MTDH: variants seen among roughly 807,000 people sequenced by gnomAD.
MTDH encodes the protein metadherin, also known as protein LYRIC.
MTDH carries 34 observed loss-of-function variants against 72.7 expected under a neutral mutation model. That is an observed-to-expected ratio of 0.47 (90% CI 0.36 to 0.62). The LOEUF (loss-of-function observed/expected upper bound fraction) is 0.62. MTDH is among the 20% of genes least tolerant of loss of function. MTDH has a pLI of 0.00. For missense variants in MTDH, 677 were observed against 699.4 expected (o/e 0.97, Z 0.36); for synonymous variants, 266 against 268.9 (o/e 0.99, Z 0.10).
At chr8:97,652,449 C>G (rs1261855909) in intron 1 of MTDH, among the ~76,000 whole-genome samples, 2 of 152,308 alleles carry the variant, frequency 1.3e-5, no homozygotes, top group South Asian at 4.1e-4. Context: ...AAATAGACAT[C>G]CCTTTCTATT....
At chr8:97,700,128 C>T (rs1319966022) in intron 7 of MTDH, among the ~76,000 whole-genome samples, 1 of 152,142 alleles carries the variant, frequency 6.6e-6, no homozygotes, top group South Asian at 2.1e-4. Context: ...AAATGAATGT[C>T]TGTTTCTCCT....
At chr8:97,668,189 A>G (rs62521678) in intron 2 of MTDH, among the ~76,000 whole-genome samples, 30,355 of 152,036 alleles carry the variant, frequency 0.2, 3,312 homozygotes, top group East Asian at 0.33. Flanking sequence ...CGGGAGGCTG[A>G]GGCAGGAGAA....
intron 2 of MTDH, among the ~76,000 whole-genome samples, chr8:97,666,662 A>T (rs1350158869): frequency 2.6e-5 from 4 of 152,178 alleles, no homozygotes; most frequent in Non-Finnish European, 5.9e-5. Flanking sequence ...CTTATCATGA[A>T]CCAAGGCAGT....
chr8:97,713,185 C>T (rs1814703968), intron 8 of MTDH, among the ~76,000 whole-genome samples: 2 of 152,034 alleles, frequency 1.3e-5, no homozygotes, highest in South Asian at 4.2e-4. Flanking sequence ...CCTGGGTTCA[C>T]GCCATTCTCC....
At position 97,675,189 on chromosome 8, in the gene MTDH, A is replaced by G. The variant is rs538593034; in HGVS notation, c.484-11479A>G. On this transcript the variant is annotated intron_variant, in intron 2 of 11. Coordinates refer to ENST00000336273, the MANE Select transcript of MTDH (RefSeq NM_178812.4). ...AAAATCTTTAGATGTTTATAGGGCTATAAATATTAAAGATGTCAGTTCACC... is the reference window on the plus strand; with the variant it reads ...AAAATCTTTAGATGTTTATAGGGCTGTAAATATTAAAGATGTCAGTTCACC... 5.3e-5 allele frequency among the ~76,000 whole-genome samples: 8 copies of G among 152,328 alleles called. No individual in the cohort carries two copies. In the South Asian group the frequency reaches 1.4e-3, roughly 28 times the overall value.
chr8:97,708,522 T>G (rs974000769), intron 8 of MTDH, among the ~76,000 whole-genome samples: 2 of 121,364 alleles, frequency 1.6e-5, no homozygotes, highest in African/African-American at 7.2e-5. Context: ...GCTCAAGTGA[T>G]CCACCCACCT....
intron 2 of MTDH, among the ~76,000 whole-genome samples, chr8:97,684,864 G>A (rs1321021126): frequency 4.6e-5 from 7 of 152,116 alleles, no homozygotes; most frequent in African/African-American, 1.2e-4. Context: ...TCAGGAGTTC[G>A]AGACCAGCCT....
Position 97,729,793 on chromosome 8 carries a change from T to C in MTDH, c.*5123T>C, listed in dbSNP as rs1815490947. On this transcript the variant is annotated 3_prime_UTR_variant, in exon 12 of 12. Transcript: ENST00000336273. ...GGCATGAACCACTGTGCCCAGTCTA[T>C]ATATAATAGATTTTAGAAGAAATTT... 6.6e-6 allele frequency among the ~76,000 whole-genome samples: 1 copy of C among 152,146 alleles called. No individual in the cohort carries two copies. The highest frequency in any genetic ancestry group is 2.1e-4 in the South Asian group (1 of 4,832).
At chr8:97,654,455 A>G (rs1050804557) in intron 1 of MTDH, among the ~76,000 whole-genome samples, 2 of 152,194 alleles carry the variant, frequency 1.3e-5, no homozygotes, top group Non-Finnish European at 2.9e-5. Flanking sequence ...TAATGTGTCT[A>G]GCAAGTACTT....
intron 1 of MTDH, among the ~76,000 whole-genome samples, chr8:97,645,866 C>T (rs1811545711): frequency 6.6e-6 from 1 of 152,096 alleles, no homozygotes; most frequent in Non-Finnish European, 1.5e-5. Flanking sequence ...AGCACCTAAC[C>T]TATTTTTATA....
intron 2 of MTDH, among the ~76,000 whole-genome samples, chr8:97,664,728 T>A (rs1006329998): frequency 1.3e-5 from 2 of 151,960 alleles, no homozygotes; most frequent in African/African-American, 2.4e-5. Flanking sequence ...TTCTTTCCCT[T>A]CTTTCTTCTT....
chr8:97,644,201 C>T lies in MTDH; in HGVS notation c.-306C>T. On this transcript the variant is annotated 5_prime_UTR_variant, in exon 1 of 12. Transcript: ENST00000336273. The stretch of plus-strand genomic sequence containing the variant: ...CGCGGCCCAAGCCGCCATTGTTCCG[C>T]CGAGGGAGGACAGCGGGGCCTGGCG... 2.5e-6 allele frequency: 1 copy of T among 402,676 alleles called. No individual in the cohort carries two copies. The highest frequency in any genetic ancestry group is 4.4e-6 in the Non-Finnish European group (1 of 226,674). 24.9% of individuals were successfully genotyped at this position (402,676 alleles called of 1,614,324 possible).
intron 1 of MTDH, among the ~76,000 whole-genome samples, chr8:97,657,838 A>G (rs1812037996): frequency 6.6e-6 from 1 of 152,142 alleles, no homozygotes; most frequent in East Asian, 1.9e-4. Context: ...ACCCATATTG[A>G]CAATCACAAG....
At chr8:97,691,590 C>G (rs1409436109) in intron 6 of MTDH, among the ~76,000 whole-genome samples, 1 of 152,074 alleles carries the variant, frequency 6.6e-6, no homozygotes, top group African/African-American at 2.4e-5. Context: ...TGCATGGTGC[C>G]TATTTATAAT....
At chr8:97,699,180 T>TGG (rs1283377226) in intron 6 of MTDH, among the ~76,000 whole-genome samples, 3 of 151,940 alleles carry the variant, frequency 2.0e-5, no homozygotes, top group Non-Finnish European at 4.4e-5. Context: ...CCCAGCTACT[T>TGG]GGGAGGCTGA....
intron 6 of MTDH, among the ~76,000 whole-genome samples, chr8:97,695,191 C>T (rs1276377703): frequency 6.6e-6 from 1 of 151,446 alleles, no homozygotes; most frequent in Non-Finnish European, 1.5e-5. Flanking sequence ...TCACTGCAAC[C>T]TCACCTCCCG....
chr8:97,644,336 C>G lies in MTDH; in HGVS notation c.-171C>G. On this transcript the variant is annotated 5_prime_UTR_variant, in exon 1 of 12. Transcript: ENST00000336273. ...TGACAGCGGGGAACCTGGGAGACCC[C>G]TCCGCCCTCCCCGCGGTGGCAGCGG... The G allele has an allele frequency of 1.1e-6, 1 of 870,808 alleles. No individual in the cohort carries two copies. Among genetic ancestry groups the G allele is most frequent in the Non-Finnish European group, 1.7e-6 (1 of 604,940 alleles). The allele number at this position is 870,808 out of a possible 1,614,324, so 53.9% of individuals were successfully genotyped here.
chr8:97,694,254 A>G (rs575868302), intron 6 of MTDH, among the ~76,000 whole-genome samples: 4 of 151,264 alleles, frequency 2.6e-5, no homozygotes, highest in East Asian at 2.0e-4. Flanking sequence ...CTGGAGTGCA[A>G]TGGCACGATC....
chr8:97,681,407 GT>G (rs938527102), intron 2 of MTDH, among the ~76,000 whole-genome samples: 42 of 144,646 alleles, frequency 2.9e-4, no homozygotes, highest in Middle Eastern at 3.6e-3. Flanking sequence ...ATCTGCAGCG[GT>G]TTTTTTTTTT....
Sources: allele counts gnomAD v4.1 joint callset (sites outside exome capture counted in the v4.1 genomes callset), GRCh38; gene constraint gnomAD v4.1.1; transcripts MANE v1.5; gene names NCBI Gene and HGNC (gene_info 2026-07-23, HGNC 2026-07-21).